DDX46: variants seen among roughly 807,000 people sequenced by gnomAD.
DDX46 encodes DEAD-box helicase 46.
DDX46 carries 30 observed loss-of-function variants against 134.9 expected under a neutral mutation model. That is an observed-to-expected ratio of 0.22 (90% CI 0.17 to 0.30). The LOEUF (loss-of-function observed/expected upper bound fraction) is 0.30, where lower values mean the gene tolerates loss of function less well. Among genes scored for constraint, DDX46 ranks in the 10% least tolerant of loss-of-function variants. The probability of loss-of-function intolerance (pLI) is 1.00; values close to 1 mark genes in which losing one functional copy is unlikely to be tolerated. For missense variants in DDX46, 622 were observed against 1,248.7 expected (o/e 0.50, Z 7.56); for synonymous variants, 415 against 404.1 (o/e 1.03, Z -0.32).
chr5:134,819,089 A>G, intron 21 of DDX46, 85 bp downstream of exon 21: 1 of 1,405,970 alleles, frequency 7.1e-7, no homozygotes, highest in Non-Finnish European at 9.4e-7. Flanking sequence ...TGTGAGGTCA[A>G]TTCTAGAGAG....
intron 15 of DDX46, among the ~76,000 whole-genome samples, chr5:134,798,865 C>A (rs1326116094): frequency 1.3e-5 from 2 of 152,188 alleles, no homozygotes; most frequent in Admixed American, 1.3e-4. Context: ...GCCAGCCCTT[C>A]GTGTCCATAG....
chr5:134,770,650 A>T (rs1191841661), intron 3 of DDX46, among the ~76,000 whole-genome samples: 1 of 152,070 alleles, frequency 6.6e-6, no homozygotes, highest in Admixed American at 6.6e-5. Flanking sequence ...TGTCTCTACT[A>T]AAAATACAAA....
At chr5:134,786,014 A>C (rs1323432849) in intron 11 of DDX46, among the ~76,000 whole-genome samples, 2 of 151,934 alleles carry the variant, frequency 1.3e-5, no homozygotes, top group African/African-American at 4.8e-5. Context: ...ACGCCTGGCT[A>C]ATTTTTGTAT....
chr5:134,793,853 T>G lies in DDX46; in HGVS notation c.1627-997T>G, dbSNP rs572929946. Among the ~76,000 whole-genome samples, 4 of 152,336 alleles carry G rather than the reference T, an allele frequency of 2.6e-5. 1 individual carries two copies. Among genetic ancestry groups the G allele is most frequent in the Admixed American group, 2.6e-4 (4 of 15,296 alleles). On this transcript the variant is annotated intron_variant, in intron 13 of 22. Transcript: ENST00000452510. ...CAGTCTGGCAAGGATTGCCCTGAGG[T>G]GTAAACTTAAGGTCATTTCATGTGT...
chr5:134,821,688 C>T (rs1374041024), intron 21 of DDX46, among the ~76,000 whole-genome samples: 1 of 151,572 alleles, frequency 6.6e-6, no homozygotes, highest in Non-Finnish European at 1.5e-5. Flanking sequence ...TCCCGAGTAG[C>T]TGGGACTACA....
Position 134,811,295 on chromosome 5 carries a change from A to C in DDX46, c.2223A>C (p.Ser741=), listed in dbSNP as rs749526950. 7 of 1,613,980 alleles carry C rather than the reference A, an allele frequency of 4.3e-6. No individual in the cohort carries two copies. The change falls in exon 17 of 23, where the codon TCA becomes TCC. Residue 741 remains serine (S), a synonymous_variant. Coordinates refer to ENST00000452510, the MANE Select transcript of DDX46 (RefSeq NM_001300860.2). ...AGDIIKALEL[S]GTAVPPDLEK... is the part of the protein sequence containing the mutation. ...ACATAATTAAAGCTCTTGAATTGTC[A>C]GGGACTGCAGTACCTCCTGATTTAG...
At chr5:134,800,086 T>G (rs1195887782) in intron 15 of DDX46, among the ~76,000 whole-genome samples, 1 of 152,048 alleles carries the variant, frequency 6.6e-6, no homozygotes, top group Non-Finnish European at 1.5e-5. Context: ...TAGCTGGGAC[T>G]ACAGGCATGC....
At chr5:134,764,364 C>A (rs537204796) in intron 2 of DDX46, among the ~76,000 whole-genome samples, 143 of 151,860 alleles carry the variant, frequency 9.4e-4, no homozygotes, top group Admixed American at 2.2e-3. Context: ...CTCACTGCAA[C>A]CTCCACCTCC....
At chr5:134,775,783 C>T (rs1561855430) in intron 5 of DDX46, among the ~76,000 whole-genome samples, 1 of 152,152 alleles carries the variant, frequency 6.6e-6, no homozygotes, top group Admixed American at 6.5e-5. Context: ...TGAGCCATTA[C>T]GCCCAGCCAA....
intron 16 of DDX46, among the ~76,000 whole-genome samples, chr5:134,808,480 T>A (rs1349689637): frequency 6.6e-6 from 1 of 152,194 alleles, no homozygotes; most frequent in Non-Finnish European, 1.5e-5. Context: ...AAAGTACAAT[T>A]TCTACTGAAT....
intron 4 of DDX46, 59 bp from the exon 5 acceptor site, chr5:134,773,637 T>C (rs1189635797): frequency 6.7e-7 from 1 of 1,502,852 alleles, no homozygotes; most frequent in Non-Finnish European, 8.9e-7. Context: ...AGCAAAATTA[T>C]TAAATTTGGT....
chr5:134,782,803 A>C (rs1754196208), intron 8 of DDX46, 142 bp from the exon 9 acceptor site: 2 of 999,728 alleles, frequency 2.0e-6, no homozygotes, highest in Non-Finnish European at 2.8e-6. Context: ...TGTCTCCCAA[A>C]GTGCTAGTTG....
At chr5:134,790,232 A>G in intron 12 of DDX46, 2 of 607,152 alleles carry the variant, frequency 3.3e-6, no homozygotes, top group South Asian at 3.1e-5. Context: ...GGTATGCAAG[A>G]GACGAGTTTG....
At position 134,811,599 on chromosome 5, in the gene DDX46, A is replaced by C. The variant is rs1580813618; in HGVS notation, c.2287-97A>C. ...ATGCTAGATGAAGTGTTTTTATTAC[A>C]TTGACATACACCACCTTGAAAAATA... On this transcript the variant is annotated intron_variant, in intron 17 of 22. Transcript: ENST00000452510. 3.0e-6 allele frequency: 4 copies of C among 1,348,558 alleles called. No individual in the cohort carries two copies. The Admixed American group carries it at 1.0e-4, about 35-fold the overall frequency. 83.5% of individuals were successfully genotyped at this position (1,348,558 alleles called of 1,614,324 possible).
At chr5:134,792,961 CAG>C (rs2150147270) in intron 13 of DDX46, among the ~76,000 whole-genome samples, 1 of 152,040 alleles carries the variant, frequency 6.6e-6, no homozygotes, top group South Asian at 2.1e-4. Context: ...TCAAGACAAG[CAG>C]GGGGCAACAT....
chr5:134,774,784 C>T (rs145690136), intron 5 of DDX46, among the ~76,000 whole-genome samples: 135 of 152,270 alleles, frequency 8.9e-4, no homozygotes, highest in African/African-American at 3.2e-3. Context: ...GCAGCCTCGA[C>T]GTCCTGGGCT....
At chr5:134,778,460 G>A (rs957308746) in intron 6 of DDX46, among the ~76,000 whole-genome samples, 7 of 151,930 alleles carry the variant, frequency 4.6e-5, no homozygotes, top group African/African-American at 1.7e-4. Flanking sequence ...CACTCTAAGG[G>A]CAGTGACTTT....
At chr5:134,786,623 T>C (rs1754344452) in intron 11 of DDX46, among the ~76,000 whole-genome samples, 1 of 151,966 alleles carries the variant, frequency 6.6e-6, no homozygotes, top group Admixed American at 6.6e-5. Flanking sequence ...AGCGGGTGGA[T>C]CATGAGGTCA....
intron 4 of DDX46, among the ~76,000 whole-genome samples, chr5:134,771,478 G>A (rs1306303229): frequency 1.4e-5 from 2 of 145,146 alleles, no homozygotes; most frequent in East Asian, 2.1e-4. Context: ...GGATCATGAG[G>A]TCAGGAGATC....
Sources: gnomAD v4.1 joint callset for allele counts (sites outside exome capture counted in the v4.1 genomes callset) on GRCh38, gnomAD v4.1.1 for gene constraint, MANE v1.5 for transcripts, NCBI Gene and HGNC (gene_info 2026-07-23, HGNC 2026-07-21) for gene names.